EXOC3L2: variants seen among roughly 807,000 people sequenced by gnomAD.
EXOC3L2 encodes the protein exocyst complex component 3-like protein 2.
In EXOC3L2, 17 loss-of-function variants were observed where a neutral mutation model predicts 44.4. That is an observed-to-expected ratio of 0.38 (90% CI 0.26 to 0.57). The LOEUF (loss-of-function observed/expected upper bound fraction) is 0.57. Among genes scored for constraint, EXOC3L2 ranks in the 20% least tolerant of loss-of-function variants. EXOC3L2 has a pLI of 0.65. For synonymous variants in EXOC3L2, 256 were observed against 253.7 expected, an observed-to-expected ratio of 1.01 and a Z score of -0.09; for missense variants, 541 against 588.4, an observed-to-expected ratio of 0.92 and a Z score of 0.83.
chr19:45,215,848 C>T (rs73568206), intron 11 of EXOC3L2, among the ~76,000 whole-genome samples: 1,746 of 152,286 alleles, frequency 0.011, 36 homozygotes, highest in African/African-American at 0.04. Context: ...CCTGTGACCG[C>T]CTGTTTGTTT....
In EXOC3L2 at chr19:45,212,383, A is replaced by C. The variant is rs1969782808; in HGVS notation, c.*686T>G. Reference sequence around the variant, plus strand: ...CTCAGCCCTTCCTTGTGTTAAATAGAAACCTCTTTATTCTAAGTATCGAAC... The same window carrying C: ...CTCAGCCCTTCCTTGTGTTAAATAGCAACCTCTTTATTCTAAGTATCGAAC... On this transcript the variant is annotated 3_prime_UTR_variant, in exon 12 of 12. Coordinates refer to ENST00000413988, the MANE Select transcript of EXOC3L2 (RefSeq NM_001382422.1). Among the ~76,000 whole-genome samples the C allele has an allele frequency of 1.3e-5, 2 of 152,126 alleles. No individual in the cohort carries two copies. Among genetic ancestry groups the C allele is most frequent in the African/African-American group, 4.8e-5 (2 of 41,432 alleles).
intron 4 of EXOC3L2, among the ~76,000 whole-genome samples, chr19:45,231,278 T>C (rs1970028634): frequency 6.6e-6 from 1 of 152,046 alleles, no homozygotes; most frequent in South Asian, 2.1e-4. Flanking sequence ...CAGCGGTGTC[T>C]GTGCAGGTTC....
rs1175805343 is a variant in EXOC3L2 at position 45,224,827 on chromosome 19, G to A, written c.1670C>T (p.Thr557Ile). 1.3e-6 allele frequency: 2 copies of A among 1,590,810 alleles called. No individual in the cohort carries two copies. The highest frequency in any genetic ancestry group is 2.3e-5 in the East Asian group (1 of 43,598). Residue 557 changes from threonine (T) to isoleucine (I), a missense_variant, in exon 8 of 12, where the codon ACC becomes ATC. By Grantham distance (89) the Thr-to-Ile change is moderately conservative. Coordinates refer to ENST00000413988, the MANE Select transcript of EXOC3L2 (RefSeq NM_001382422.1). ...EASASALDHV[T>I]RLCHRVVANL... Reference sequence around the variant, plus strand: ...GGCCACGACACGGTGGCAGAGCCGGGTCACATGGTCCAGAGCACTAGCAGA... The same window carrying A: ...GGCCACGACACGGTGGCAGAGCCGGATCACATGGTCCAGAGCACTAGCAGA...
rs950797638 is a variant in EXOC3L2, at chr19:45,219,393, CAA to C, written c.1720-1076_1720-1075del. Among the ~76,000 whole-genome samples, 350 of 51,540 alleles carry C rather than the reference CAA, an allele frequency of 6.8e-3. 2 individuals carry two copies. The highest frequency in any genetic ancestry group is 0.023 in the African/African-American group (313 of 13,898). 33.8% of individuals were successfully genotyped at this position (51,540 alleles called of 152,430 possible). ...TGGGTAACAGAGGGAGGCCCCGTCTCAAAAAAAAAAAAAAAAAAAAAGAGAAA... is the reference window on the plus strand; with the variant it reads ...TGGGTAACAGAGGGAGGCCCCGTCTCAAAAAAAAAAAAAAAAAAAGAGAAA... On this transcript the variant is annotated intron_variant, in intron 8 of 11. Coordinates refer to ENST00000413988, the MANE Select transcript of EXOC3L2 (RefSeq NM_001382422.1).
intron 8 of EXOC3L2, among the ~76,000 whole-genome samples, chr19:45,219,413 A>AAAAAAAAAAAAAAG (rs1404154051): frequency 4.6e-4 from 69 of 150,604 alleles, no homozygotes; most frequent in Non-Finnish European, 8.0e-4. Context: ...AAAAAAAAAA[A>AAAAAAAAAAAAAAG]AGAGAAAAAG....
In EXOC3L2 at chr19:45,234,579, A is replaced by C. The variant is rs346748; in HGVS notation, c.771T>G (p.Ala257=). The C allele has an allele frequency of 0.37, 96,166 of 261,998 alleles. 19,110 individuals are homozygous for C. The highest frequency in any genetic ancestry group is 0.52 in the African/African-American group (22,532 of 43,564). 16.2% of individuals were successfully genotyped at this position (261,998 alleles called of 1,614,324 possible). A position where few individuals can be genotyped will look rare whatever the true frequency, so the allele number is the denominator to read the frequency against. The change falls in exon 3 of 12, where the codon GCT becomes GCG. Residue 257 remains alanine, a synonymous_variant. Transcript: ENST00000413988. The surrounding 1 kb of genome is among the most constrained non-coding windows in gnomAD (Gnocchi z 5.0). ...CCTGGCCCAGCTGCGCCACCGCGCC[A>C]GCCCCGGCGCACGCTCCCGGCCCGG... ...AGPGPGACAG[A]GAVAQLGQVL...
rs368599925 is a variant in EXOC3L2, at chr19:45,225,040, T to C, written c.1584-127A>G. On this transcript the variant is annotated intron_variant, in intron 7 of 11. Transcript: ENST00000413988. The stretch of plus-strand genomic sequence containing the variant: ...AGGTCAGATGGGGGGCTGAGAAAGG[T>C]CAGGGACTCTGGAGAGGGGTCAGGG... 38 of 1,212,210 alleles carry C rather than the reference T, an allele frequency of 3.1e-5. No individual in the cohort carries two copies. In the South Asian group the frequency reaches 9.2e-4, roughly 29 times the overall value. The allele number at this position is 1,212,210 out of a possible 1,614,324, so 75.1% of individuals were successfully genotyped here. A position where few individuals can be genotyped will look rare whatever the true frequency, so the allele number is the denominator to read the frequency against.
In EXOC3L2 at chr19:45,234,897, G is replaced by T; in HGVS notation, c.524-71C>A. The T allele has an allele frequency of 5.2e-6, 2 of 382,140 alleles. No individual in the cohort carries two copies. The highest frequency in any genetic ancestry group is 4.6e-6 in the Non-Finnish European group (1 of 215,388). The allele number at this position is 382,140 out of a possible 1,614,324, so 23.7% of individuals were successfully genotyped here. A position where few individuals can be genotyped will look rare whatever the true frequency, so the allele number is the denominator to read the frequency against. On this transcript the variant is annotated intron_variant, in intron 2 of 11. Transcript: ENST00000413988. The surrounding 1 kb of genome is among the most constrained non-coding windows in gnomAD (Gnocchi z 5.0). ...GGCGATGCCGGACGCGGGGTTGGGGGTGCTTAGGAAGGGGAGAGAGATGAG... is the reference window on the plus strand; with the variant it reads ...GGCGATGCCGGACGCGGGGTTGGGGTTGCTTAGGAAGGGGAGAGAGATGAG...
chr19:45,227,775 G>C lies in EXOC3L2; in HGVS notation c.1473-3C>G. On this transcript the variant is annotated splice_polypyrimidine_tract_variant and splice_region_variant and intron_variant, in intron 6 of 11. Coordinates refer to ENST00000413988, the MANE Select transcript of EXOC3L2 (RefSeq NM_001382422.1). ...ATCGCTCCACACGCTGCTGGAAGCT[G>C]GTGGGAGGAAAGGGGACAGATAGGG... The C allele has an allele frequency of 6.2e-7, 1 of 1,608,988 alleles. No individual in the cohort carries two copies. Among genetic ancestry groups the C allele is most frequent in the Non-Finnish European group, 8.5e-7 (1 of 1,178,312 alleles).
intron 6 of EXOC3L2, 63 bp downstream of exon 6, chr19:45,227,911 T>G: frequency 3.9e-6 from 6 of 1,556,372 alleles, no homozygotes; most frequent in Non-Finnish European, 5.3e-6. Context: ...CTCTCTCTAT[T>G]GGATCCCAGG....
At chr19:45,219,094 T>C (rs555981601) in intron 8 of EXOC3L2, among the ~76,000 whole-genome samples, 29 of 152,116 alleles carry the variant, frequency 1.9e-4, no homozygotes, top group Non-Finnish European at 3.5e-4. Context: ...GCAACTGTAG[T>C]TCCAGCTACT....
chr19:45,233,808 G>A (rs1363982867), intron 3 of EXOC3L2, among the ~76,000 whole-genome samples: 2 of 152,116 alleles, frequency 1.3e-5, no homozygotes, highest in Admixed American at 1.3e-4. Flanking sequence ...TGAGATTTTA[G>A]GAACGGAAAA....
At chr19:45,244,744 G>A (rs533681676) in intron 1 of EXOC3L2, among the ~76,000 whole-genome samples, 3 of 152,120 alleles carry the variant, frequency 2.0e-5, no homozygotes, top group Admixed American at 6.6e-5. Flanking sequence ...CACCTCCAAC[G>A]CTCAGCATCT....
intron 10 of EXOC3L2, among the ~76,000 whole-genome samples, chr19:45,217,283 G>T (rs187377851): frequency 8.2e-4 from 125 of 152,314 alleles, no homozygotes; most frequent in African/African-American, 2.8e-3. Flanking sequence ...AATGGATAGG[G>T]ACCATTATTC....
At position 45,238,117 on chromosome 19, in the gene EXOC3L2, G is replaced by A. The variant is rs947951307; in HGVS notation, c.523+406C>T. 2.6e-5 allele frequency among the ~76,000 whole-genome samples: 4 copies of A among 151,948 alleles called. No homozygotes were observed. The highest frequency in any genetic ancestry group is 5.9e-5 in the Non-Finnish European group (4 of 68,018). ...TGCACCACTGCACTCCAGCCTGGGC[G>A]ACAGAGGCAAAAAAATAATAATAAT... is the stretch of plus-strand genomic sequence containing the variant. On this transcript the variant is annotated intron_variant, in intron 2 of 11. Coordinates refer to ENST00000413988, the MANE Select transcript of EXOC3L2 (RefSeq NM_001382422.1). This position sits in a 1 kb window ranked among gnomAD's most constrained non-coding sequence, Gnocchi z 5.5.
chr19:45,232,515 C>T (rs1393531082), intron 3 of EXOC3L2, among the ~76,000 whole-genome samples: 1 of 152,118 alleles, frequency 6.6e-6, no homozygotes, highest in Non-Finnish European at 1.5e-5. Context: ...TCCCAGTCTT[C>T]CGGTGACAGC....
At chr19:45,228,633 G>A (rs1380401807) in intron 4 of EXOC3L2, among the ~76,000 whole-genome samples, 4 of 152,080 alleles carry the variant, frequency 2.6e-5, no homozygotes, top group African/African-American at 9.7e-5. Flanking sequence ...TTAGCTGGGC[G>A]TGGTGGTGCG....
chr19:45,242,480 G>A (rs1191673497), intron 1 of EXOC3L2, among the ~76,000 whole-genome samples: 1 of 152,074 alleles, frequency 6.6e-6, no homozygotes, highest in Non-Finnish European at 1.5e-5. Context: ...TGGAACTCCT[G>A]CTCCTGGCCT....
At chr19:45,223,708 G>C (rs915043872) in intron 8 of EXOC3L2, among the ~76,000 whole-genome samples, 4 of 150,588 alleles carry the variant, frequency 2.7e-5, no homozygotes, top group Non-Finnish European at 5.9e-5. Flanking sequence ...GTCAAGACTT[G>C]AGGCAGGGCA....
Sources: allele counts gnomAD v4.1 joint callset (sites outside exome capture counted in the v4.1 genomes callset), GRCh38; gene constraint gnomAD v4.1.1; non-coding constraint Gnocchi (gnomAD v3.1); transcripts MANE v1.5; gene names NCBI Gene and HGNC (gene_info 2026-07-23, HGNC 2026-07-21).